Variants in C12orf42 observed in about 807,000 individuals in gnomAD.
C12orf42 encodes chromosome 12 open reading frame 42.
Under a neutral mutation model 21.6 loss-of-function variants are expected in C12orf42, and 25 were observed. The observed-to-expected ratio is 1.16, with a 90% CI of 0.84 to 1.62. The LOEUF is 1.62. Ranked by LOEUF, C12orf42 falls within the 40% of genes most tolerant of loss-of-function variation. The pLI is 0.00. For missense variants in C12orf42, 483 were observed against 459.3 expected (o/e 1.05, Z -0.47); for synonymous variants, 174 against 175.0 (o/e 0.99, Z 0.05).
At chr12:103,335,915 A>G (rs1429987021) in intron 4 of C12orf42, among the ~76,000 whole-genome samples, 11 of 152,232 alleles carry the variant, frequency 7.2e-5, no homozygotes, top group African/African-American at 7.2e-5. Context: ...ATTTGACTCA[A>G]TTAGAATAAT....
At chr12:103,266,338 G>T (rs2035169713), downstream of C12orf42, among the ~76,000 whole-genome samples, 1 of 152,068 alleles carries the variant, frequency 6.6e-6, no homozygotes. Context: ...AAAGTGGATG[G>T]CCCAGCCCTG....
chr12:103,179,852 G>A, the C12orf42 span, among the ~76,000 whole-genome samples: 1 of 152,136 alleles, frequency 6.6e-6, no homozygotes, highest in African/African-American at 2.4e-5. Flanking sequence ...ATGTATGTCA[G>A]GCAAAATTAG....
chr12:103,350,572 T>A (rs188447742), intron 4 of C12orf42, among the ~76,000 whole-genome samples: 4 of 152,324 alleles, frequency 2.6e-5, no homozygotes, highest in African/African-American at 7.2e-5. Context: ...TATCTATGTA[T>A]AGGAGAAAAC....
chr12:103,144,797 A>G, the C12orf42 span, among the ~76,000 whole-genome samples: 1 of 152,230 alleles, frequency 6.6e-6, no homozygotes, highest in Non-Finnish European at 1.5e-5. Flanking sequence ...CAACTTAAGC[A>G]GAAAGGGATT....
chr12:103,307,103 T>C (rs1486964157), intron 4 of C12orf42, among the ~76,000 whole-genome samples: 3 of 152,196 alleles, frequency 2.0e-5, no homozygotes, highest in African/African-American at 7.2e-5. Context: ...ACTGAGAGAA[T>C]ACATTTCTGT....
intron 10 of C12orf42, among the ~76,000 whole-genome samples, chr12:103,249,471 T>G (rs2034176078): frequency 6.6e-6 from 1 of 152,028 alleles, no homozygotes; most frequent in South Asian, 2.1e-4. Flanking sequence ...AGGAAGAAAC[T>G]AAAATAATTT....
chr12:103,531,784 T>C, the C12orf42 span, among the ~76,000 whole-genome samples: 1 of 152,222 alleles, frequency 6.6e-6, no homozygotes, highest in Non-Finnish European at 1.5e-5. Context: ...GGTGCTTCAG[T>C]TGGTTACACA....
At chr12:103,330,598 CA>C (rs1315816963) in intron 4 of C12orf42, among the ~76,000 whole-genome samples, 1 of 152,168 alleles carries the variant, frequency 6.6e-6, no homozygotes, top group Non-Finnish European at 1.5e-5. Context: ...TGTGAAAGGA[CA>C]AAGGCCATTT....
intron 4 of C12orf42, among the ~76,000 whole-genome samples, chr12:103,316,888 T>G (rs905668460): frequency 3.3e-5 from 5 of 152,142 alleles, no homozygotes; most frequent in African/African-American, 4.8e-5. Context: ...AGTGTCACCC[T>G]ACTCCATGTC....
At chr12:103,318,344 T>C (rs1261618656) in intron 4 of C12orf42, among the ~76,000 whole-genome samples, 7 of 152,176 alleles carry the variant, frequency 4.6e-5, no homozygotes, top group Admixed American at 4.6e-4. Context: ...ATATGTCTTC[T>C]TGTGCATGTA....
the C12orf42 span, among the ~76,000 whole-genome samples, chr12:103,094,619 C>T: frequency 5.9e-5 from 9 of 152,236 alleles, no homozygotes; most frequent in African/African-American, 1.4e-4. Context: ...TCTTTAAATA[C>T]GTTATATGTA....
the C12orf42 span, among the ~76,000 whole-genome samples, chr12:103,196,025 C>T: frequency 3.3e-5 from 5 of 151,986 alleles, no homozygotes; most frequent in Non-Finnish European, 5.9e-5. Context: ...TATTGAATCC[C>T]GACATCATTT....
chr12:103,337,977 A>C (rs2041855900), intron 4 of C12orf42, among the ~76,000 whole-genome samples: 1 of 152,108 alleles, frequency 6.6e-6, no homozygotes, highest in African/African-American at 2.4e-5. Context: ...CCATGTTTCT[A>C]CAGGATATTT....
the C12orf42 span, among the ~76,000 whole-genome samples, chr12:103,195,684 C>G: frequency 0.37 from 55,800 of 151,738 alleles, 10,953 homozygotes; most frequent in South Asian, 0.45. Context: ...TAGATTCTAT[C>G]AGATTCTGTC....
At chr12:103,105,572 T>C in the C12orf42 span, among the ~76,000 whole-genome samples, 1 of 152,180 alleles carries the variant, frequency 6.6e-6, no homozygotes, top group African/African-American at 2.4e-5. Context: ...ATGGGATCTG[T>C]ACACCAAATC....
chr12:103,264,695 C>T (rs2035076882), downstream of C12orf42, among the ~76,000 whole-genome samples: 2 of 151,996 alleles, frequency 1.3e-5, no homozygotes, highest in African/African-American at 4.8e-5. Context: ...ATTTGTAGGG[C>T]CTGTACCATA....
intron 2 of C12orf42, among the ~76,000 whole-genome samples, chr12:103,475,792 G>C (rs1954003689): frequency 6.6e-6 from 1 of 152,162 alleles, no homozygotes; most frequent in African/African-American, 2.4e-5. Context: ...TTTCCAAAAG[G>C]CAATCTGAAT....
At chr12:103,265,744 G>A (rs1046088817), downstream of C12orf42, among the ~76,000 whole-genome samples, 11 of 152,218 alleles carry the variant, frequency 7.2e-5, no homozygotes, top group East Asian at 5.8e-4. Context: ...TCAGCATCTC[G>A]TGGTAAAATA....
At chr12:103,118,653 C>T in the C12orf42 span, among the ~76,000 whole-genome samples, 101 of 151,698 alleles carry the variant, frequency 6.7e-4, no homozygotes, top group African/African-American at 2.4e-3. Context: ...AAAAGATTAG[C>T]CAGGCGTGGT....
Sources: gnomAD v4.1 joint callset for allele counts (sites outside exome capture counted in the v4.1 genomes callset) on GRCh38, gnomAD v4.1.1 for gene constraint, MANE v1.5 for transcripts, NCBI Gene and HGNC (gene_info 2026-07-23, HGNC 2026-07-21) for gene names.